The following TMX4 variants were observed in gnomAD, a reference collection of about 807,000 sequenced individuals.
TMX4 encodes the protein thioredoxin-related transmembrane protein 4.
A neutral mutation model predicts 33.3 loss-of-function variants in TMX4; 23 were observed. That is an observed-to-expected ratio of 0.69 (90% CI 0.50 to 0.98). The LOEUF (loss-of-function observed/expected upper bound fraction) is 0.98, where lower values mean the gene tolerates loss of function less well. Among genes scored for constraint, TMX4 ranks in the 50% least tolerant of loss-of-function variants. TMX4 has a pLI of 0.00. For missense variants in TMX4, 399 were observed against 448.9 expected (o/e 0.89, Z 1.01); for synonymous variants, 164 against 161.5 (o/e 1.02, Z -0.12).
intron 5 of TMX4, among the ~76,000 whole-genome samples, chr20:7,992,386 C>T (rs545842810): frequency 6.6e-6 from 1 of 152,224 alleles, no homozygotes; most frequent in East Asian, 1.9e-4. Context: ...TGAGCGCCAT[C>T]ATGAGTGAAT....
chr20:7,991,047 T>A lies in TMX4; in HGVS notation c.514-3658A>T, dbSNP rs139965591. Among the ~76,000 whole-genome samples, 617 of 152,346 alleles carry A rather than the reference T, an allele frequency of 4.0e-3. 6 individuals are homozygous for A. Among genetic ancestry groups the A allele is most frequent in the African/African-American group, 0.013 (544 of 41,586 alleles). On this transcript the variant is annotated intron_variant, in intron 5 of 7. Transcript: ENST00000246024. ...AGAAGAATGTTTTCAAGTTTTAAAA[T>A]ACACTTTGTTCTTCTCTAGTCTAAA... is the stretch of plus-strand genomic sequence containing the variant.
chr20:7,987,784 C>T (rs2122854828), intron 5 of TMX4, among the ~76,000 whole-genome samples: 1 of 152,232 alleles, frequency 6.6e-6, no homozygotes, highest in East Asian at 1.9e-4. Context: ...TAAATTACGA[C>T]TTACAGAACG....
At chr20:8,012,849 T>C (rs1469058922) in intron 1 of TMX4, among the ~76,000 whole-genome samples, 2 of 152,186 alleles carry the variant, frequency 1.3e-5, no homozygotes, top group African/African-American at 4.8e-5. Flanking sequence ...ATAGCTGCTA[T>C]ACACTGGTCT....
intron 1 of TMX4, among the ~76,000 whole-genome samples, chr20:8,018,110 T>C (rs1046581493): frequency 2.6e-5 from 4 of 151,538 alleles, no homozygotes; most frequent in African/African-American, 9.7e-5. Context: ...CAATTTAAAT[T>C]GAAAGAATCA....
chr20:8,003,359 T>C (rs1459223973), intron 2 of TMX4, among the ~76,000 whole-genome samples: 1 of 152,168 alleles, frequency 6.6e-6, no homozygotes, highest in Non-Finnish European at 1.5e-5. Context: ...TACTTAGATT[T>C]TATTTTTATC....
chr20:7,983,985 C>A, intron 6 of TMX4, 128 bp from the exon 7 acceptor site: 1 of 621,276 alleles, frequency 1.6e-6, no homozygotes, highest in Non-Finnish European at 2.8e-6. Context: ...CAAAAGTCTT[C>A]ACAAGAGACA....
chr20:7,990,828 GAT>G (rs2050651287), intron 5 of TMX4, among the ~76,000 whole-genome samples: 1 of 152,180 alleles, frequency 6.6e-6, no homozygotes, highest in African/African-American at 2.4e-5. Context: ...ACTCTTCAAT[GAT>G]GGCCAAGGGT....
At chr20:8,002,774 T>TA (rs2050712875) in intron 2 of TMX4, among the ~76,000 whole-genome samples, 1 of 152,200 alleles carries the variant, frequency 6.6e-6, no homozygotes, top group Admixed American at 6.5e-5. Context: ...CAACATAATT[T>TA]AGTAACAAAT....
At chr20:7,988,337 T>A (rs2122855282) in intron 5 of TMX4, among the ~76,000 whole-genome samples, 1 of 152,372 alleles carries the variant, frequency 6.6e-6, no homozygotes, top group South Asian at 2.1e-4. Context: ...TCCAAGTTTC[T>A]ATTTTAATTT....
intron 1 of TMX4, chr20:8,019,220 G>A (rs1251944441): frequency 1.8e-6 from 1 of 556,510 alleles, no homozygotes; most frequent in South Asian, 2.3e-5. Context: ...ACAGCCGCAG[G>A]TCGTTGGTAA....
rs1454375112 is a variant in TMX4, at chr20:7,978,656, AACAG to A, written c.*3591_*3594del. On this transcript the variant is annotated 3_prime_UTR_variant, in exon 8 of 8. Coordinates refer to ENST00000246024, the MANE Select transcript of TMX4 (RefSeq NM_021156.4). ...TATAGAGCTAAAGAGGCCTGTGGCT[AACAG>A]ACAGGGATTCCATGCACAAGAGCTT... The A allele has an allele frequency of 6.6e-6, 1 of 152,242 alleles. No individual in the cohort carries two copies. The highest frequency in any genetic ancestry group is 1.5e-5 in the Non-Finnish European group (1 of 68,046). 9.4% of individuals were successfully genotyped at this position (152,242 alleles called of 1,614,324 possible). A position where few individuals can be genotyped will look rare whatever the true frequency, so the allele number is the denominator to read the frequency against.
intron 3 of TMX4, 55 bp downstream of exon 3, chr20:8,001,441 G>A (rs2050706972): frequency 8.0e-6 from 12 of 1,506,316 alleles, no homozygotes; most frequent in Non-Finnish European, 1.1e-5. Flanking sequence ...AGAATTCCTG[G>A]TACACATCTA....
At chr20:7,982,670 C>T (rs1006380031) in intron 7 of TMX4, 49 bp from the exon 8 acceptor site, 10 of 1,541,132 alleles carry the variant, frequency 6.5e-6, no homozygotes, top group Middle Eastern at 1.7e-4. Context: ...AATGGTAATT[C>T]GGTAATCAAT....
intron 2 of TMX4, among the ~76,000 whole-genome samples, chr20:8,008,395 A>G (rs2050739213): frequency 1.3e-5 from 2 of 152,164 alleles, no homozygotes; most frequent in South Asian, 4.1e-4. Flanking sequence ...TTTCAGATAT[A>G]CATAAAACCA....
chr20:7,984,930 C>T (rs957852706), intron 6 of TMX4, among the ~76,000 whole-genome samples: 5 of 152,088 alleles, frequency 3.3e-5, no homozygotes, highest in African/African-American at 1.2e-4. Context: ...CAGAGCCAGC[C>T]TCAGGCAGCT....
chr20:8,019,228 T>C, intron 1 of TMX4: 1 of 565,082 alleles, frequency 1.8e-6, no homozygotes, highest in South Asian at 2.3e-5. Flanking sequence ...AGGTCGTTGG[T>C]AAGGCGGGTC....
At chr20:7,993,347 T>A (rs1322342627) in intron 5 of TMX4, among the ~76,000 whole-genome samples, 1 of 152,190 alleles carries the variant, frequency 6.6e-6, no homozygotes, top group Admixed American at 6.5e-5. Flanking sequence ...TTTCATATGA[T>A]CTAGACATGA....
intron 1 of TMX4, among the ~76,000 whole-genome samples, chr20:8,018,463 GGAGGGA>G (rs1568541209): frequency 3.6e-5 from 1 of 27,736 alleles, no homozygotes; most frequent in African/African-American, 2.8e-4. Context: ...AGGGAGGGAG[GGAGGGA>G]GGGAGGGAGG....
chr20:7,984,765 A>G (rs1167767758), intron 6 of TMX4, among the ~76,000 whole-genome samples: 1 of 152,036 alleles, frequency 6.6e-6, no homozygotes, highest in African/African-American at 2.4e-5. Flanking sequence ...CTACTCTTCT[A>G]TTCTGGAAAA....
Sources: gnomAD v4.1 joint callset for allele counts (sites outside exome capture counted in the v4.1 genomes callset) on GRCh38, gnomAD v4.1.1 for gene constraint, MANE v1.5 for transcripts, NCBI Gene and HGNC (gene_info 2026-07-23, HGNC 2026-07-21) for gene names.